Variants in NDST4 observed in about 807,000 individuals in gnomAD.
NDST4 encodes the protein N-deacetylase and N-sulfotransferase 4.
NDST4 carries 63 observed loss-of-function variants against 100.8 expected under a neutral mutation model. The ratio of observed to expected loss-of-function variants is 0.62; its 90% CI spans 0.51 to 0.77. The LOEUF is 0.77. NDST4 is among the 30% of genes least tolerant of loss of function. The probability of loss-of-function intolerance (pLI) is 0.00; values close to 1 mark genes in which losing one functional copy is unlikely to be tolerated. For missense variants in NDST4, 943 were observed against 1,018.4 expected, an observed-to-expected ratio of 0.93 and a Z score of 1.01; for synonymous variants, 377 against 361.8, an observed-to-expected ratio of 1.04 and a Z score of -0.48.
At chr4:114,831,817 A>G (rs1045245180) in intron 12 of NDST4, among the ~76,000 whole-genome samples, 2 of 152,190 alleles carry the variant, frequency 1.3e-5, no homozygotes, top group Non-Finnish European at 2.9e-5. Context: ...CTAACAAAGG[A>G]CATTTATCCT....
chr4:114,924,987 A>T (rs1217812566), intron 6 of NDST4, among the ~76,000 whole-genome samples: 1 of 152,170 alleles, frequency 6.6e-6, no homozygotes, highest in Non-Finnish European at 1.5e-5. Context: ...TATCAATAAA[A>T]AAGATAAAGA....
chr4:114,935,192 C>T lies in NDST4; in HGVS notation c.1536+14G>A, dbSNP rs781098121. 3.2e-6 allele frequency: 5 copies of T among 1,582,932 alleles called. No individual in the cohort carries two copies. Among genetic ancestry groups the T allele is most frequent in the Middle Eastern group, 1.7e-4 (1 of 5,924 alleles). On this transcript the variant is annotated intron_variant, in intron 6 of 13. Transcript: ENST00000264363. ...TGCTAATCTTATTGTAAGGTGCATA[C>T]ATAGAATACATACTGGGTTTAGAAG... is the stretch of plus-strand genomic sequence containing the variant.
chr4:114,882,273 A>T (rs938685190), intron 6 of NDST4, among the ~76,000 whole-genome samples: 6 of 152,030 alleles, frequency 3.9e-5, no homozygotes, highest in African/African-American at 1.4e-4. Flanking sequence ...AAACAAGAAG[A>T]TTCCCCTCAA....
chr4:114,930,252 G>A (rs1277509667), intron 6 of NDST4, among the ~76,000 whole-genome samples: 1 of 152,154 alleles, frequency 6.6e-6, no homozygotes, highest in African/African-American at 2.4e-5. Context: ...GGTACATTGA[G>A]GATTAATTCA....
In NDST4 at chr4:114,867,406, C is replaced by T. The variant is rs73850707; in HGVS notation, c.1719+3362G>A. Among the ~76,000 whole-genome samples the T allele has an allele frequency of 8.4e-3, 1,271 of 151,990 alleles. 18 individuals are homozygous for T. Among genetic ancestry groups the T allele is most frequent in the African/African-American group, 0.028 (1,177 of 41,450 alleles). ...TTTCCCACTTCTTTAACCCTGGAGA[C>T]GTTGGCATGGGGAGAGAAACTTCAG... On this transcript the variant is annotated intron_variant, in intron 7 of 13. Coordinates refer to ENST00000264363, the MANE Select transcript of NDST4 (RefSeq NM_022569.3).
At chr4:114,933,039 G>A (rs754636108) in intron 6 of NDST4, among the ~76,000 whole-genome samples, 4 of 152,050 alleles carry the variant, frequency 2.6e-5, no homozygotes, top group Non-Finnish European at 4.4e-5. Flanking sequence ...CAAGAAGAAA[G>A]CTGGAGACAT....
At chr4:114,933,232 T>G (rs1725550357) in intron 6 of NDST4, among the ~76,000 whole-genome samples, 1 of 152,088 alleles carries the variant, frequency 6.6e-6, no homozygotes, top group Non-Finnish European at 1.5e-5. Flanking sequence ...AAGAACAGTC[T>G]CTTCAACAAA....
chr4:115,113,106 G>A (rs2110349371), intron 1 of NDST4, among the ~76,000 whole-genome samples: 1 of 151,948 alleles, frequency 6.6e-6, no homozygotes, highest in Non-Finnish European at 1.5e-5. Flanking sequence ...TGTAAAATTG[G>A]TGCTTTTAAT....
intron 6 of NDST4, among the ~76,000 whole-genome samples, chr4:114,903,910 G>T (rs1724897514): frequency 6.6e-6 from 1 of 151,912 alleles, no homozygotes; most frequent in Non-Finnish European, 1.5e-5. Context: ...TTCAGTTATA[G>T]ATATCAAAAG....
intron 7 of NDST4, among the ~76,000 whole-genome samples, chr4:114,855,831 C>A (rs181817167): frequency 2.0e-5 from 3 of 152,134 alleles, no homozygotes; most frequent in African/African-American, 7.2e-5. Context: ...TGGTATTAAT[C>A]AATTCTTTAG....
intron 4 of NDST4, among the ~76,000 whole-genome samples, chr4:114,943,572 T>C (rs773183196): frequency 7.2e-5 from 11 of 152,262 alleles, no homozygotes; most frequent in Non-Finnish European, 1.6e-4. Flanking sequence ...TACATTTGAG[T>C]ATCTCTGCCA....
At chr4:114,940,711 C>G (rs933846521) in intron 4 of NDST4, among the ~76,000 whole-genome samples, 1 of 152,142 alleles carries the variant, frequency 6.6e-6, no homozygotes, top group African/African-American at 2.4e-5. Flanking sequence ...TTGTCCAGTG[C>G]TGAGGAAGAG....
At chr4:115,075,863 T>C (rs79096597) in intron 2 of NDST4, among the ~76,000 whole-genome samples, 196 bp downstream of exon 2, 1,794 of 151,892 alleles carry the variant, frequency 0.012, 33 homozygotes, top group African/African-American at 0.041. Flanking sequence ...CTCTGTCCCA[T>C]TCTGAAGCTT....
intron 8 of NDST4, among the ~76,000 whole-genome samples, chr4:114,850,374 T>C (rs1406209589): frequency 6.6e-6 from 1 of 152,066 alleles, no homozygotes; most frequent in East Asian, 1.9e-4. Context: ...TTAAGGGACA[T>C]CAAGAGGCAT....
intron 1 of NDST4, among the ~76,000 whole-genome samples, chr4:115,111,872 T>A (rs369820824): frequency 6.6e-5 from 10 of 152,028 alleles, no homozygotes; most frequent in Admixed American, 4.6e-4. Context: ...AAACATTGTT[T>A]AATATTGATC....
intron 2 of NDST4, among the ~76,000 whole-genome samples, chr4:115,062,480 A>G (rs1205296888): frequency 1.3e-5 from 2 of 151,922 alleles, no homozygotes; most frequent in Non-Finnish European, 2.9e-5. Flanking sequence ...ATGCATGATC[A>G]TATTGATATA....
chr4:115,046,418 T>C (rs1728465175), intron 2 of NDST4, among the ~76,000 whole-genome samples: 1 of 152,178 alleles, frequency 6.6e-6, no homozygotes, highest in Admixed American at 6.6e-5. Context: ...CATGGCAGTC[T>C]TTCTGTCACT....
At chr4:114,843,623 T>C (rs1723478828) in intron 10 of NDST4, among the ~76,000 whole-genome samples, 1 of 152,154 alleles carries the variant, frequency 6.6e-6, no homozygotes, top group African/African-American at 2.4e-5. Context: ...TCCCTCCACA[T>C]CTTTCGCTTT....
chr4:114,873,552 C>T (rs2126197923), intron 6 of NDST4, among the ~76,000 whole-genome samples: 2 of 152,070 alleles, frequency 1.3e-5, no homozygotes, highest in Middle Eastern at 6.8e-3. Flanking sequence ...ATGTCCCAAT[C>T]TCTCACTCTT....
Sources: allele counts gnomAD v4.1 joint callset (sites outside exome capture counted in the v4.1 genomes callset), GRCh38; gene constraint gnomAD v4.1.1; transcripts MANE v1.5; gene names NCBI Gene and HGNC (gene_info 2026-07-23, HGNC 2026-07-21).